PKD1L3: variants seen among roughly 807,000 people sequenced by gnomAD.
PKD1L3 encodes polycystin 1 like 3, transient receptor potential channel interacting.
In PKD1L3, 239 loss-of-function variants were observed where a neutral mutation model predicts 184.1. The observed-to-expected ratio is 1.30, with a 90% CI of 1.17 to 1.45. The LOEUF is 1.45. Among genes scored for constraint, PKD1L3 ranks in the 40% most tolerant of loss-of-function variants. The pLI is 0.00. For synonymous variants in PKD1L3, 996 were observed against 778.8 expected (o/e 1.28, Z -4.64); for missense variants, 2,660 against 2,067.2 (o/e 1.29, Z -5.56).
At chr16:71,976,141 T>C (rs1488001147) in intron 11 of PKD1L3, among the ~76,000 whole-genome samples, 2 of 151,624 alleles carry the variant, frequency 1.3e-5, no homozygotes, top group Non-Finnish European at 2.9e-5. Flanking sequence ...AGAGATGGGG[T>C]TTCACCGTGT....
In PKD1L3 at chr16:71,985,160, T is replaced by A. The variant is rs927724472; in HGVS notation, c.835-993A>T. On this transcript the variant is annotated intron_variant, in intron 5 of 29. Transcript: ENST00000620267. ...AATATTTCTAATAATTTATTATAGA[T>A]CCTTTTAGATATTCTGTACTTCAGG... Among the ~76,000 whole-genome samples the A allele has an allele frequency of 1.1e-4, 16 of 152,306 alleles. No individual in the cohort carries two copies. The East Asian group carries it at 1.7e-3, about 17-fold the overall frequency.
chr16:71,977,312 C>T lies in PKD1L3; in HGVS notation c.1683G>A (p.Leu561=), dbSNP rs1220166227. 6.5e-7 allele frequency: 1 copy of T among 1,544,912 alleles called. No homozygotes were observed. Among genetic ancestry groups the T allele is most frequent in the Non-Finnish European group, 8.8e-7 (1 of 1,140,860 alleles). The part of the protein sequence containing the change: ...PDSPLLMTLY[L]GFQYQPNCTH... ...TGCAGTTAGGCTGATACTGGAACCC[C>T]AGGTAGAGTGTCATTAAAAGGGGAC... The change falls in exon 11 of 30, where the codon CTG becomes CTA. Residue 561 remains leucine, a synonymous_variant. Transcript: ENST00000620267.
intron 12 of PKD1L3, among the ~76,000 whole-genome samples, chr16:71,972,425 C>A (rs1231645328): frequency 6.6e-6 from 1 of 151,586 alleles, no homozygotes; most frequent in Non-Finnish European, 1.5e-5. Context: ...CATCCTCCTC[C>A]TCCTCCTTCT....
rs1559401 is a variant in PKD1L3 at position 71,977,282 on chromosome 16, G to C, written c.1713C>G (p.His571Gln). The change falls in exon 11 of 30, where the codon CAC (histidine) becomes CAG (glutamine). Residue 571 changes from histidine to glutamine, a missense_variant. His to Gln is a conservative substitution (Grantham distance 24). Transcript: ENST00000620267. ...TTGGAAGGGTGATGTTCAGGTGGAA[G>C]TGAGTGCAGTTAGGCTGATACTGGA... ...LGFQYQPNCT[H>Q]FHLNITLPKD... 236 of 1,537,698 alleles carry C rather than the reference G, an allele frequency of 1.5e-4. 1 individual carries two copies. Among genetic ancestry groups the C allele is most frequent in the Non-Finnish European group, 2.0e-4 (227 of 1,134,594 alleles).
rs1428826397 is a variant in PKD1L3 at position 71,935,395 on chromosome 16, T to C, written c.4576A>G (p.Lys1526Glu). 7 of 1,551,856 alleles carry C rather than the reference T, an allele frequency of 4.5e-6. No individual in the cohort carries two copies. Among genetic ancestry groups the C allele is most frequent in the Non-Finnish European group, 6.1e-6 (7 of 1,147,018 alleles). Reference sequence around the variant, plus strand: ...TCGCGGTATCGTGCCATGTTTTTCTTATGTAGAGAAATACTCTTCATGTCA... The same window carrying C: ...TCGCGGTATCGTGCCATGTTTTTCTCATGTAGAGAAATACTCTTCATGTCA... ...GLDMKSISLH[K>E]KNMARYRDDQ... Residue 1526 changes from lysine to glutamate, a missense_variant, in exon 26 of 30, where the codon AAG becomes GAG. By Grantham distance (56) the Lys-to-Glu change is moderately conservative. Coordinates refer to ENST00000620267, the MANE Select transcript of PKD1L3 (RefSeq NM_181536.2).
intron 21 of PKD1L3, among the ~76,000 whole-genome samples, chr16:71,948,320 T>A (rs1044085333): frequency 3.3e-5 from 5 of 152,170 alleles, no homozygotes; most frequent in African/African-American, 1.2e-4. Context: ...TGACCTCAGG[T>A]AATCCGCCTG....
At chr16:71,953,755 G>GC (rs771778438) in intron 17 of PKD1L3, among the ~76,000 whole-genome samples, 97 of 152,252 alleles carry the variant, frequency 6.4e-4, no homozygotes, top group Non-Finnish European at 1.3e-3. Context: ...GGGAGAAACT[G>GC]CCCCCATGAT....
chr16:71,981,904 G>C, intron 7 of PKD1L3, 155 bp downstream of exon 7: 7 of 799,396 alleles, frequency 8.8e-6, no homozygotes, highest in East Asian at 2.9e-5. Flanking sequence ...GGTGGGGAGG[G>C]AGACCTTGGA....
At chr16:71,951,768 A>C in intron 18 of PKD1L3, 24 bp from the exon 19 acceptor site, 1 of 1,534,204 alleles carries the variant, frequency 6.5e-7, no homozygotes, top group Non-Finnish European at 8.8e-7. Context: ...CAGATGAGAA[A>C]AATCAGCCTG....
At position 71,954,087 on chromosome 16, in the gene PKD1L3, AT is replaced by A. The variant is rs1441102892; in HGVS notation, c.2809+17del. The A allele has an allele frequency of 6.6e-7, 1 of 1,508,990 alleles. No individual in the cohort carries two copies. The highest frequency in any genetic ancestry group is 2.3e-5 in the Admixed American group (1 of 42,904). 93.5% of individuals were successfully genotyped at this position (1,508,990 alleles called of 1,614,324 possible). ...GGATTGCTTACTACAAACAACACACATCAGGGCTCATCCATACTTTGCTCAT... is the reference window on the plus strand; with the variant it reads ...GGATTGCTTACTACAAACAACACACACAGGGCTCATCCATACTTTGCTCAT... On this transcript the variant is annotated intron_variant, in intron 17 of 29. Transcript: ENST00000620267.
chr16:71,966,642 G>A (rs944683511), intron 15 of PKD1L3, among the ~76,000 whole-genome samples: 1 of 151,880 alleles, frequency 6.6e-6, no homozygotes, highest in African/African-American at 2.4e-5. Context: ...ATGTAGCTCA[G>A]GCTGTTCTCA....
In PKD1L3 at chr16:71,969,952, G is replaced by A; in HGVS notation, c.2107C>T (p.Leu703=). Residue 703 remains leucine, a synonymous_variant, in exon 13 of 30, where the codon CTG becomes TTG. Coordinates refer to ENST00000620267, the MANE Select transcript of PKD1L3 (RefSeq NM_181536.2). ...RVTNNPVGVS[L]LASLLGFYVI... is the part of the protein sequence containing the mutation. ...TAAAATCCTAAAAGGCTGGCCAGCA[G>A]TGACACCCCAACAGGATTGTTGGTC... 1.3e-6 allele frequency: 2 copies of A among 1,551,920 alleles called. No homozygotes were observed. Among genetic ancestry groups the A allele is most frequent in the Non-Finnish European group, 1.7e-6 (2 of 1,147,046 alleles).
At chr16:71,945,387 T>TAG (rs2038558101) in intron 22 of PKD1L3, among the ~76,000 whole-genome samples, 1 of 50,534 alleles carries the variant, frequency 2.0e-5, no homozygotes, top group Admixed American at 2.2e-4. Context: ...CACACACATA[T>TAG]ATATATATAT....
intron 22 of PKD1L3, among the ~76,000 whole-genome samples, chr16:71,945,978 G>T (rs1288999347): frequency 6.6e-6 from 1 of 152,130 alleles, no homozygotes; most frequent in Admixed American, 6.6e-5. Flanking sequence ...TTATTTTTGA[G>T]ACGAAGTTCC....
chr16:71,975,691 T>G (rs1412877843), intron 11 of PKD1L3, among the ~76,000 whole-genome samples: 3 of 152,220 alleles, frequency 2.0e-5, no homozygotes, highest in Non-Finnish European at 4.4e-5. Flanking sequence ...AACATCCTAC[T>G]AAGTCTGCTT....
chr16:71,978,361 G>A lies in PKD1L3; in HGVS notation c.1421C>T (p.Pro474Leu). The change falls in exon 10 of 30, where the codon CCC (proline) becomes CTC (leucine). Residue 474 changes from proline to leucine, a missense_variant. Coordinates refer to ENST00000620267, the MANE Select transcript of PKD1L3 (RefSeq NM_181536.2). The stretch of plus-strand genomic sequence containing the variant: ...GTTTCTGTTGTCCAAATCCTTGAAG[G>A]GATTGAAAGCTAGTCCTGTTATCTA... ...NVQITGLAFN[P>L]FKDLDNRNIV... The A allele has an allele frequency of 6.5e-7, 1 of 1,549,452 alleles. No individual in the cohort carries two copies. Among genetic ancestry groups the A allele is most frequent in the South Asian group, 1.2e-5 (1 of 84,006 alleles).
At chr16:71,986,636 T>C (rs1367126827) in intron 4 of PKD1L3, among the ~76,000 whole-genome samples, 167 bp from the exon 5 acceptor site, 1 of 152,222 alleles carries the variant, frequency 6.6e-6, no homozygotes, top group Non-Finnish European at 1.5e-5. Context: ...TTTCAAGAAA[T>C]CTGCATATTA....
intron 2 of PKD1L3, among the ~76,000 whole-genome samples, chr16:71,997,006 C>A (rs1207825209): frequency 6.9e-6 from 1 of 145,110 alleles, no homozygotes; most frequent in South Asian, 2.1e-4. Flanking sequence ...ATCACCTGAC[C>A]TAAGAATGAG....
chr16:71,979,816 G>C lies in PKD1L3; in HGVS notation c.1368C>G (p.Leu456=), dbSNP rs1366384988. The C allele has an allele frequency of 6.6e-7, 1 of 1,512,574 alleles. No individual in the cohort carries two copies. Among genetic ancestry groups the C allele is most frequent in the Admixed American group, 2.7e-5 (1 of 36,782 alleles). The allele number at this position is 1,512,574 out of a possible 1,614,324, so 93.7% of individuals were successfully genotyped here. A position where few individuals can be genotyped will look rare whatever the true frequency, so the allele number is the denominator to read the frequency against. The change falls in exon 9 of 30, where the codon CTC becomes CTG. Residue 456 remains leucine, a synonymous_variant. Coordinates refer to ENST00000620267, the MANE Select transcript of PKD1L3 (RefSeq NM_181536.2). The stretch of plus-strand genomic sequence containing the variant: ...CATTAACTCCTGGATGTTTATTCAA[G>C]AGCTCCTTCAAAGCTAAAGCCGACG... ...GFPSALALKE[L]LNKHPGVNVQ...
Sources: allele counts gnomAD v4.1 joint callset (sites outside exome capture counted in the v4.1 genomes callset), GRCh38; gene constraint gnomAD v4.1.1; transcripts MANE v1.5; gene names NCBI Gene and HGNC (gene_info 2026-07-23, HGNC 2026-07-21).